Variants in UBAC2 observed in about 807,000 individuals in gnomAD.
UBAC2 encodes UBA domain containing 2, also known as ubiquitin-associated domain-containing protein 2.
A neutral mutation model predicts 44.0 loss-of-function variants in UBAC2; 26 were observed. The observed-to-expected ratio is 0.59, with a 90% CI of 0.43 to 0.82. UBAC2 has a LOEUF of 0.82. UBAC2 is among the 40% of genes least tolerant of loss of function. The probability of loss-of-function intolerance (pLI) is 0.00; values close to 1 mark genes in which losing one functional copy is unlikely to be tolerated. For missense variants in UBAC2, 329 were observed against 419.4 expected, an observed-to-expected ratio of 0.78 and a Z score of 1.88; for synonymous variants, 155 against 154.3, an observed-to-expected ratio of 1.00 and a Z score of -0.04.
At chr13:99,306,459 T>C (rs1433753083) in intron 4 of UBAC2, among the ~76,000 whole-genome samples, 3 of 152,094 alleles carry the variant, frequency 2.0e-5, no homozygotes, top group Non-Finnish European at 4.4e-5. Context: ...GAGCCCTTGC[T>C]CTTATTACAC....
chr13:99,336,311 G>C (rs2044788168), intron 6 of UBAC2, among the ~76,000 whole-genome samples: 1 of 151,920 alleles, frequency 6.6e-6, no homozygotes, highest in Non-Finnish European at 1.5e-5. Flanking sequence ...GGTAGCTTTT[G>C]GCATACTACA....
chr13:99,249,534 T>G (rs118158470), intron 4 of UBAC2, among the ~76,000 whole-genome samples: 1 of 152,236 alleles, frequency 6.6e-6, no homozygotes, highest in Non-Finnish European at 1.5e-5. Context: ...TAGAATGATT[T>G]ATTTTCTTTT....
At chr13:99,376,637 A>G (rs2045483491) in intron 8 of UBAC2, among the ~76,000 whole-genome samples, 1 of 152,206 alleles carries the variant, frequency 6.6e-6, no homozygotes, top group African/African-American at 2.4e-5. Context: ...TCTAGAAATA[A>G]GAAATAAGTA....
chr13:99,355,748 G>A lies in UBAC2; in HGVS notation c.808-12039G>A, dbSNP rs138485475. 8.3e-4 allele frequency among the ~76,000 whole-genome samples: 127 copies of A among 152,334 alleles called. 1 individual carries two copies. The highest frequency in any genetic ancestry group is 9.1e-4 in the Admixed American group (14 of 15,310). ...AGGACGCAGGCCTGTGGCTCAGCCC[G>A]CAGCGTGCTTGGTGCCACAAGCCCC... On this transcript the variant is annotated intron_variant, in intron 7 of 8. Transcript: ENST00000403766.
At chr13:99,260,978 C>T (rs767907610) in intron 4 of UBAC2, among the ~76,000 whole-genome samples, 3 of 152,162 alleles carry the variant, frequency 2.0e-5, no homozygotes, top group Non-Finnish European at 2.9e-5. Context: ...GAATATAATT[C>T]AGTTAAGCCA....
chr13:99,350,080 C>T (rs530754123), intron 7 of UBAC2, among the ~76,000 whole-genome samples: 5 of 151,978 alleles, frequency 3.3e-5, no homozygotes, highest in Non-Finnish European at 2.9e-5. Flanking sequence ...CTATGCCCGC[C>T]GGTTATTCCT....
At chr13:99,296,241 TTAAA>T (rs1162075582) in intron 4 of UBAC2, 36 of 1,227,650 alleles carry the variant, frequency 2.9e-5, no homozygotes, top group Admixed American at 1.6e-4. Context: ...TTAAAAAAGT[TTAAA>T]TAATGTATCA....
rs1005274096 is a variant in UBAC2 at position 99,369,433 on chromosome 13, T to A, written c.927+1527T>A. 2.0e-5 allele frequency among the ~76,000 whole-genome samples: 3 copies of A among 152,066 alleles called. No homozygotes were observed. In the East Asian group the frequency reaches 5.8e-4, roughly 29 times the overall value. Reference sequence around the variant, plus strand: ...ACTGTGAACCGTTCTGTTTTTCACTTGCAGCACGATACTCAATAATTACAT... The same window carrying A: ...ACTGTGAACCGTTCTGTTTTTCACTAGCAGCACGATACTCAATAATTACAT... On this transcript the variant is annotated intron_variant, in intron 8 of 8. Transcript: ENST00000403766.
intron 4 of UBAC2, chr13:99,294,519 T>C (rs2044138227): frequency 6.6e-6 from 1 of 152,390 alleles, no homozygotes; most frequent in Admixed American, 6.5e-5. Context: ...ACAGGGAGCA[T>C]TGAGGGACAG....
chr13:99,325,372 G>T (rs1209356065), intron 6 of UBAC2, among the ~76,000 whole-genome samples: 1 of 152,020 alleles, frequency 6.6e-6, no homozygotes, highest in Non-Finnish European at 1.5e-5. Context: ...CAAATTGCTG[G>T]GATTACAGAC....
chr13:99,346,816 C>A (rs773659061), intron 7 of UBAC2, among the ~76,000 whole-genome samples: 1 of 151,912 alleles, frequency 6.6e-6, no homozygotes, highest in African/African-American at 2.4e-5. Flanking sequence ...CCTTTCTCCA[C>A]CAGTGTGTCT....
chr13:99,363,724 A>G (rs1301107295), intron 7 of UBAC2, among the ~76,000 whole-genome samples: 1 of 152,240 alleles, frequency 6.6e-6, no homozygotes, highest in Non-Finnish European at 1.5e-5. Flanking sequence ...TCACACGTAT[A>G]TACACACCCA....
At chr13:99,337,368 T>TTA (rs1001432189) in intron 6 of UBAC2, among the ~76,000 whole-genome samples, 22 of 151,952 alleles carry the variant, frequency 1.4e-4, no homozygotes, top group Non-Finnish European at 3.1e-4. Flanking sequence ...TGTCAAGGCC[T>TTA]TATATATATA....
chr13:99,347,468 T>A (rs2045008778), intron 7 of UBAC2, among the ~76,000 whole-genome samples: 1 of 151,806 alleles, frequency 6.6e-6, no homozygotes. Flanking sequence ...TGGGGGAAGG[T>A]CAATATCACT....
intron 7 of UBAC2, among the ~76,000 whole-genome samples, chr13:99,342,464 G>C (rs1391341922): frequency 6.6e-6 from 1 of 152,152 alleles, no homozygotes; most frequent in African/African-American, 2.4e-5. Flanking sequence ...TGACTGTTCT[G>C]CTTGCAGACG....
At chr13:99,246,142 C>T (rs890183504) in intron 4 of UBAC2, among the ~76,000 whole-genome samples, 5 of 152,174 alleles carry the variant, frequency 3.3e-5, no homozygotes, top group Admixed American at 2.6e-4. Context: ...TAATAGCTTT[C>T]GTACCTGCAT....
chr13:99,289,628 A>G (rs148494542), intron 4 of UBAC2, among the ~76,000 whole-genome samples: 1,869 of 150,718 alleles, frequency 0.012, 19 homozygotes, highest in Middle Eastern at 0.037. Context: ...TTTTTTTTTC[A>G]TTCCAAGTAG....
intron 1 of UBAC2, among the ~76,000 whole-genome samples, chr13:99,227,357 G>C (rs2043122539): frequency 6.6e-6 from 1 of 152,194 alleles, no homozygotes; most frequent in Admixed American, 6.5e-5. Context: ...ACTCCACACT[G>C]TCGTCAGCCC....
At chr13:99,293,289 A>G (rs2044119408) in intron 4 of UBAC2, among the ~76,000 whole-genome samples, 1 of 152,174 alleles carries the variant, frequency 6.6e-6, no homozygotes, top group African/African-American at 2.4e-5. Flanking sequence ...TAGGATCCTA[A>G]GAATTGACTC....
Sources: gnomAD v4.1 joint callset for allele counts (sites outside exome capture counted in the v4.1 genomes callset) on GRCh38, gnomAD v4.1.1 for gene constraint, MANE v1.5 for transcripts, NCBI Gene and HGNC (gene_info 2026-07-23, HGNC 2026-07-21) for gene names.